Variants in RBFOX3 observed in about 807,000 individuals in gnomAD.
The protein encoded by RBFOX3 is RNA binding protein fox-1 homolog 3.
A neutral mutation model predicts 48.7 loss-of-function variants in RBFOX3; 17 were observed. The ratio of observed to expected loss-of-function variants is 0.35; its 90% CI spans 0.24 to 0.52. RBFOX3 has a LOEUF of 0.52. RBFOX3 is among the 20% of genes least tolerant of loss of function. RBFOX3 has a pLI of 0.94. For synonymous variants in RBFOX3, 212 were observed against 209.5 expected (o/e 1.01, Z -0.10); for missense variants, 382 against 497.5 (o/e 0.77, Z 2.21).
intron 2 of RBFOX3, among the ~76,000 whole-genome samples, chr17:79,360,442 T>C (rs957998459): frequency 8.5e-5 from 13 of 152,178 alleles, no homozygotes; most frequent in Non-Finnish European, 2.9e-5. Context: ...CGCCGCACCC[T>C]GGGGCCCCCA....
chr17:79,331,198 A>T (rs1343008457), intron 2 of RBFOX3, among the ~76,000 whole-genome samples: 1 of 152,036 alleles, frequency 6.6e-6, no homozygotes, highest in Non-Finnish European at 1.5e-5. Context: ...AGCCTCATGG[A>T]CTTCAAGCCC....
In RBFOX3 at chr17:79,490,720, TAGAGAGAGAGAG is replaced by T. The variant is rs59694667; in HGVS notation, c.-319-8134_-319-8123del. Among the ~76,000 whole-genome samples, 11 of 144,246 alleles carry T rather than the reference TAGAGAGAGAGAG, an allele frequency of 7.6e-5. 1 individual carries two copies. Among genetic ancestry groups the T allele is most frequent in the Non-Finnish European group, 1.4e-4 (9 of 65,870 alleles). 94.6% of individuals were successfully genotyped at this position (144,246 alleles called of 152,430 possible). A position where few individuals can be genotyped will look rare whatever the true frequency, so the allele number is the denominator to read the frequency against. ...GGCACCTGTTGAGGGGCCTGCAGTG[TAGAGAGAGAGAG>T]AGAGAGAGAGAGAACAGGTAAACCA... On this transcript the variant is annotated intron_variant, in intron 1 of 14. Transcript: ENST00000693108.
chr17:79,200,162 C>CAAAAAAA lies in RBFOX3; in HGVS notation c.-34+35597_-34+35603dup, dbSNP rs3046721. Among the ~76,000 whole-genome samples, 39 of 110,732 alleles carry CAAAAAAA rather than the reference C, an allele frequency of 3.5e-4. 1 individual carries two copies. The highest frequency in any genetic ancestry group is 5.5e-4 in the Non-Finnish European group (31 of 56,038). 72.6% of individuals were successfully genotyped at this position (110,732 alleles called of 152,430 possible). On this transcript the variant is annotated intron_variant, in intron 4 of 14. Coordinates refer to ENST00000693108, the MANE Select transcript of RBFOX3 (RefSeq NM_001350451.2). ...TGGGTGACAGAGCGAGACTCCGTCT[C>CAAAAAAA]AAAAAAAAAAAAAAAAAAAAATTGG...
rs2150121367 is a variant in RBFOX3 at position 79,535,545 on chromosome 17, G to A, written c.-319-52947C>T. ...GAGGCCCTCAGATGATCCACAGGCT[G>A]GAAGGGGCCCGGCTACCCCTCAAAG... is the stretch of plus-strand genomic sequence containing the variant. On this transcript the variant is annotated intron_variant, in intron 1 of 14. Coordinates refer to ENST00000693108, the MANE Select transcript of RBFOX3 (RefSeq NM_001350451.2). The surrounding 1 kb of genome is among the most constrained non-coding windows in gnomAD (Gnocchi z 4.5). Among the ~76,000 whole-genome samples the A allele has an allele frequency of 6.6e-6, 1 of 152,310 alleles. No individual in the cohort carries two copies. Among genetic ancestry groups the A allele is most frequent in the East Asian group, 1.9e-4 (1 of 5,168 alleles).
chr17:79,660,267 A>G, the RBFOX3 span, among the ~76,000 whole-genome samples: 1 of 152,316 alleles, frequency 6.6e-6, no homozygotes. Context: ...TGACAAAAAC[A>G]CCGAAAGCAA....
chr17:79,595,397 G>A (rs1488675104), intron 1 of RBFOX3, among the ~76,000 whole-genome samples: 1 of 152,204 alleles, frequency 6.6e-6, no homozygotes, highest in Non-Finnish European at 1.5e-5. Context: ...GCTAAGCACT[G>A]AGAATACCAG....
intron 4 of RBFOX3, among the ~76,000 whole-genome samples, chr17:79,125,761 G>A (rs1187502682): frequency 2.6e-5 from 4 of 152,238 alleles, no homozygotes; most frequent in Admixed American, 2.0e-4. Context: ...GGGGCAGGCT[G>A]CAGTGGGAGT....
At chr17:79,606,017 T>G (rs2093821459) in intron 1 of RBFOX3, among the ~76,000 whole-genome samples, 1 of 152,140 alleles carries the variant, frequency 6.6e-6, no homozygotes, top group Non-Finnish European at 1.5e-5. Flanking sequence ...CTGCCCCCTA[T>G]CCCCTGACTG....
chr17:79,366,954 C>A (rs1242435222), intron 2 of RBFOX3, among the ~76,000 whole-genome samples: 3 of 152,198 alleles, frequency 2.0e-5, no homozygotes, highest in Non-Finnish European at 2.9e-5. Context: ...GGGTCCACAT[C>A]CATGACAGGT....
intron 4 of RBFOX3, among the ~76,000 whole-genome samples, chr17:79,164,612 A>G (rs913117286): frequency 6.6e-6 from 1 of 152,196 alleles, no homozygotes; most frequent in Non-Finnish European, 1.5e-5. Flanking sequence ...AGGTGCGGCC[A>G]CAGCACGGCG....
intron 1 of RBFOX3, among the ~76,000 whole-genome samples, chr17:79,528,556 G>C (rs1020113803): frequency 2.0e-5 from 3 of 152,064 alleles, no homozygotes; most frequent in African/African-American, 4.8e-5. Flanking sequence ...GTTGGAGACC[G>C]GGTCTTTGCA....
At chr17:79,444,446 A>G (rs2071813274) in intron 2 of RBFOX3, among the ~76,000 whole-genome samples, 1 of 151,900 alleles carries the variant, frequency 6.6e-6, no homozygotes, top group Non-Finnish European at 1.5e-5. Flanking sequence ...GCTGAGCAAC[A>G]CCCCATGAAG....
At chr17:79,389,318 G>A (rs899146970) in intron 2 of RBFOX3, among the ~76,000 whole-genome samples, 1 of 152,132 alleles carries the variant, frequency 6.6e-6, no homozygotes, top group African/African-American at 2.4e-5. Flanking sequence ...AGAATGAGAT[G>A]CCCAAATAAA....
At chr17:79,524,638 T>C (rs1362557028) in intron 1 of RBFOX3, among the ~76,000 whole-genome samples, 2 of 151,560 alleles carry the variant, frequency 1.3e-5, no homozygotes, top group African/African-American at 4.9e-5. Context: ...GTGCTGGGAG[T>C]GTGGAGCAGG....
intron 2 of RBFOX3, among the ~76,000 whole-genome samples, chr17:79,380,224 T>G (rs1014498651): frequency 6.6e-6 from 1 of 150,500 alleles, no homozygotes; most frequent in African/African-American, 2.4e-5. Context: ...GCCAAGCCCA[T>G]CTCCAGCACA....
intron 1 of RBFOX3, among the ~76,000 whole-genome samples, chr17:79,486,871 C>A (rs1180501666): frequency 6.6e-6 from 1 of 152,244 alleles, no homozygotes; most frequent in Non-Finnish European, 1.5e-5. Flanking sequence ...GCTGCTTCAA[C>A]CTGCTGCAGA....
At chr17:79,262,984 T>C (rs548292254) in intron 3 of RBFOX3, among the ~76,000 whole-genome samples, 1 of 152,342 alleles carries the variant, frequency 6.6e-6, no homozygotes, top group East Asian at 1.9e-4. Context: ...AGGCTGCAGC[T>C]GGTAAGGCCT....
chr17:79,599,832 C>G (rs2093662107), intron 1 of RBFOX3: 1 of 152,312 alleles, frequency 6.6e-6, no homozygotes, highest in South Asian at 2.1e-4. Flanking sequence ...ACCTCACATG[C>G]AGCAGCTCGT....
intron 1 of RBFOX3, among the ~76,000 whole-genome samples, chr17:79,593,393 A>G (rs1355854209): frequency 2.0e-5 from 3 of 152,168 alleles, no homozygotes; most frequent in African/African-American, 7.2e-5. Flanking sequence ...TGTGGCCTCA[A>G]TCTTGCAAAG....
Sources: allele counts gnomAD v4.1 joint callset (sites outside exome capture counted in the v4.1 genomes callset), GRCh38; gene constraint gnomAD v4.1.1; non-coding constraint Gnocchi (gnomAD v3.1); transcripts MANE v1.5; gene names NCBI Gene and HGNC (gene_info 2026-07-23, HGNC 2026-07-21).